The following DNAH8 variants were observed in gnomAD, a reference collection of about 807,000 sequenced individuals.
The protein encoded by DNAH8 is axonemal beta dynein heavy chain 8.
A neutral mutation model predicts 562.1 loss-of-function variants in DNAH8; 382 were observed. That is an observed-to-expected ratio of 0.68 (90% confidence interval 0.63 to 0.74). DNAH8 has a LOEUF of 0.74. Ranked by LOEUF, DNAH8 falls within the 30% of genes least tolerant of loss-of-function variation. DNAH8 has a pLI of 0.00. For missense variants in DNAH8, 5,203 were observed against 5,620.4 expected (o/e 0.93, Z 2.37); for synonymous variants, 1,881 against 1,919.4 (o/e 0.98, Z 0.52).
Position 38,900,031 on chromosome 6 carries a change from A to C in DNAH8, c.9194+125A>C, listed in dbSNP as rs758737378. 3.8e-6 allele frequency: 3 copies of C among 786,284 alleles called. No individual in the cohort carries two copies. The African/African-American group carries it at 5.5e-5, about 14-fold the overall frequency. 48.7% of individuals were successfully genotyped at this position (786,284 alleles called of 1,614,324 possible). A position where few individuals can be genotyped will look rare whatever the true frequency, so the allele number is the denominator to read the frequency against. ...TTAAGGTAAACTTTAAGTATTATAT[A>C]TATAAGGATATTTACGCAAGTGTCA... On this transcript the variant is annotated intron_variant, in intron 62 of 92. Transcript: ENST00000327475.
chr6:38,886,363 C>A (rs1037785952), intron 56 of DNAH8, among the ~76,000 whole-genome samples: 6 of 152,122 alleles, frequency 3.9e-5, no homozygotes, highest in African/African-American at 1.4e-4. Flanking sequence ...ATAAAACCAA[C>A]AACCAAAACA....
intron 86 of DNAH8, among the ~76,000 whole-genome samples, 166 bp from the exon 87 acceptor site, chr6:38,984,040 G>A (rs1333467033): frequency 1.3e-5 from 2 of 152,124 alleles, no homozygotes; most frequent in African/African-American, 4.8e-5. Context: ...AGTGGTTCCA[G>A]CCATGTAATA....
Position 38,790,314 on chromosome 6 carries a change from TCA to T in DNAH8, c.2693_2694del (p.Thr898SerfsTer32), listed in dbSNP as rs757677079. ...GTGGAATCTGTGTTGAGGCAAGGAC[TCA>T]CAGTGTTAACATGGTCGTCTTTAAC... On this transcript the variant is annotated frameshift_variant, in exon 20 of 93. Transcript: ENST00000327475. LOFTEE classifies it high-confidence loss of function. The T allele has an allele frequency of 2.5e-6, 4 of 1,608,396 alleles. No homozygotes were observed. Among genetic ancestry groups the T allele is most frequent in the South Asian group, 2.2e-5 (2 of 89,934 alleles).
chr6:38,805,352 T>C (rs958197467), intron 22 of DNAH8, 129 bp from the exon 23 acceptor site: 2 of 624,656 alleles, frequency 3.2e-6, no homozygotes, highest in Non-Finnish European at 5.7e-6. Context: ...GCGAAAAGCA[T>C]TTTTCAAAAA....
intron 32 of DNAH8, among the ~76,000 whole-genome samples, chr6:38,836,776 C>T (rs1774340077): frequency 6.6e-6 from 1 of 152,072 alleles, no homozygotes; most frequent in South Asian, 2.1e-4. Flanking sequence ...GGTGCTCTCT[C>T]ATGCAAATTT....
chr6:38,878,199 G>A lies in DNAH8; in HGVS notation c.7858+2371G>A, dbSNP rs1190027491. Among the ~76,000 whole-genome samples the A allele has an allele frequency of 3.9e-5, 6 of 152,270 alleles. No homozygotes were observed. In the East Asian group the frequency reaches 1.2e-3, roughly 29 times the overall value. Reference sequence around the variant, plus strand: ...AGACAAAATTAGTAAATATATGGAAGACTTTAACAACACTATCAATACCCT... The same window carrying A: ...AGACAAAATTAGTAAATATATGGAAAACTTTAACAACACTATCAATACCCT... On this transcript the variant is annotated intron_variant, in intron 53 of 92. Coordinates refer to ENST00000327475, the MANE Select transcript of DNAH8 (RefSeq NM_001206927.2).
chr6:38,924,426 C>T (rs140439056), intron 73 of DNAH8, among the ~76,000 whole-genome samples: 1,955 of 152,000 alleles, frequency 0.013, 34 homozygotes, highest in African/African-American at 0.037. Context: ...GCAGGAGAAT[C>T]GCTTCAACCA....
intron 80 of DNAH8, among the ~76,000 whole-genome samples, chr6:38,947,474 T>A (rs1187727903): frequency 6.6e-6 from 1 of 152,176 alleles, no homozygotes; most frequent in Non-Finnish European, 1.5e-5. Flanking sequence ...TTATCACCTA[T>A]CATGGCTGCA....
intron 71 of DNAH8, among the ~76,000 whole-genome samples, chr6:38,922,440 C>A (rs141890115): frequency 1.3e-5 from 2 of 152,150 alleles, no homozygotes; most frequent in East Asian, 3.9e-4. Context: ...CCAGATACAA[C>A]GGTCTTAACC....
At chr6:38,978,556 C>T (rs1307173411) in intron 85 of DNAH8, among the ~76,000 whole-genome samples, 2 of 152,186 alleles carry the variant, frequency 1.3e-5, no homozygotes, top group African/African-American at 4.8e-5. Flanking sequence ...CTGCTTCTGT[C>T]AACTATTTTT....
chr6:38,881,549 G>GTT (rs3047883), intron 53 of DNAH8, among the ~76,000 whole-genome samples: 21,885 of 133,698 alleles, frequency 0.16, 2,146 homozygotes, highest in Non-Finnish European at 0.21. Context: ...TGAAATCAAT[G>GTT]TTTTTTTTTT....
Position 38,805,572 on chromosome 6 carries a change from T to C in DNAH8, c.3126T>C (p.His1042=). Residue 1042 remains histidine, a synonymous_variant, in exon 23 of 93, where the codon CAT becomes CAC. Coordinates refer to ENST00000327475, the MANE Select transcript of DNAH8 (RefSeq NM_001206927.2). ...EANIVNEFDT[H]DKEDEFKKEC... ...ATATTGTGAATGAGTTTGATACTCA[T>C]GATAAAGAAGATGAATTTAAAAAGG... The C allele has an allele frequency of 6.3e-7, 1 of 1,578,118 alleles. No individual in the cohort carries two copies. Among genetic ancestry groups the C allele is most frequent in the Non-Finnish European group, 8.7e-7 (1 of 1,147,860 alleles).
chr6:38,918,077 C>T lies in DNAH8; in HGVS notation c.10461C>T (p.Leu3487=). The change falls in exon 70 of 93, where the codon CTC becomes CTT. Residue 3487 remains leucine, a synonymous_variant. Coordinates refer to ENST00000327475, the MANE Select transcript of DNAH8 (RefSeq NM_001206927.2). ...AAGTCTGTGGGAATGTGGCTGGTCT[C>T]CTGTCTTGGACACTTGCTATGGCAA... ...AKKVCGNVAG[L]LSWTLAMAIF... 1 of 1,613,812 alleles carries T rather than the reference C, an allele frequency of 6.2e-7. No individual in the cohort carries two copies. Among genetic ancestry groups the T allele is most frequent in the Non-Finnish European group, 8.5e-7 (1 of 1,179,882 alleles).
At chr6:38,758,680 C>T (rs1371362431) in intron 10 of DNAH8, among the ~76,000 whole-genome samples, 1 of 151,818 alleles carries the variant, frequency 6.6e-6, no homozygotes, top group African/African-American at 2.4e-5. Flanking sequence ...ATAAATAGCT[C>T]TTATTATTTT....
At chr6:38,900,622 CTT>C (rs548790228) in intron 62 of DNAH8, among the ~76,000 whole-genome samples, 1 of 145,974 alleles carries the variant, frequency 6.9e-6, no homozygotes. Flanking sequence ...TTTAGCAAAT[CTT>C]TTTTTTTTTT....
chr6:38,930,971 T>A (rs1434021117), intron 75 of DNAH8, among the ~76,000 whole-genome samples: 3 of 152,136 alleles, frequency 2.0e-5, no homozygotes, highest in Admixed American at 2.0e-4. Context: ...GAGTTTGACT[T>A]TTTTAGATTT....
intron 91 of DNAH8, among the ~76,000 whole-genome samples, chr6:39,015,393 T>C (rs915137258): frequency 3.3e-5 from 5 of 152,238 alleles, no homozygotes; most frequent in African/African-American, 1.2e-4. Context: ...TCACATGATA[T>C]GGTTTGGCTC....
intron 58 of DNAH8, among the ~76,000 whole-genome samples, chr6:38,891,292 T>A (rs553247010): frequency 1.3e-5 from 2 of 152,190 alleles, no homozygotes; most frequent in Non-Finnish European, 2.9e-5. Context: ...TCAGCAAACC[T>A]GCAGCTGTCC....
At chr6:38,848,238 A>G (rs1775452185) in intron 36 of DNAH8, among the ~76,000 whole-genome samples, 1 of 152,188 alleles carries the variant, frequency 6.6e-6, no homozygotes, top group South Asian at 2.1e-4. Context: ...TCCTAGATTC[A>G]GTAGTTCCAC....
Sources: allele counts gnomAD v4.1 joint callset (sites outside exome capture counted in the v4.1 genomes callset), GRCh38; gene constraint gnomAD v4.1.1; transcripts MANE v1.5; gene names NCBI Gene and HGNC (gene_info 2026-07-23, HGNC 2026-07-21).